The following CDK13 variants were observed in gnomAD, a reference collection of about 807,000 sequenced individuals.
The protein encoded by CDK13 is cyclin-dependent kinase 13.
In CDK13, 40 loss-of-function variants were observed where a neutral mutation model predicts 137.6. That is an observed-to-expected ratio of 0.29 (90% confidence interval 0.23 to 0.38). The LOEUF is 0.38. CDK13 is among the 10% of genes least tolerant of loss of function. The pLI, the probability that CDK13 is intolerant of heterozygous loss-of-function variation, is 1.00. For synonymous variants in CDK13, 869 were observed against 760.1 expected, an observed-to-expected ratio of 1.14 and a Z score of -2.36; for missense variants, 1,704 against 1,951.8, an observed-to-expected ratio of 0.87 and a Z score of 2.39.
intron 1 of CDK13, among the ~76,000 whole-genome samples, chr7:39,982,169 C>T (rs1287078246): frequency 3.4e-5 from 5 of 147,252 alleles, no homozygotes; most frequent in Non-Finnish European, 7.4e-5. Flanking sequence ...TCCCCCCTCC[C>T]CCTACCCCAC....
At chr7:40,048,822 G>A (rs1785810763) in intron 7 of CDK13, 1 of 151,380 alleles carries the variant, frequency 6.6e-6, no homozygotes, top group Non-Finnish European at 1.5e-5. Context: ...ATTCTGGAAA[G>A]TATTTTCCTT....
chr7:40,096,453 A>T lies in CDK13; in HGVS notation c.*1473A>T, dbSNP rs1787049705. On this transcript the variant is annotated 3_prime_UTR_variant, in exon 14 of 14. Transcript: ENST00000181839. ...CTCTCACACATACACACACAATTATACTAATTCTAGAAAGGAACCAAAGGT... is the reference window on the plus strand; with the variant it reads ...CTCTCACACATACACACACAATTATTCTAATTCTAGAAAGGAACCAAAGGT... The T allele has an allele frequency of 6.6e-6, 1 of 152,194 alleles. No homozygotes were observed. Among genetic ancestry groups the T allele is most frequent in the South Asian group, 2.1e-4 (1 of 4,832 alleles). The allele number at this position is 152,194 out of a possible 1,614,324, so 9.4% of individuals were successfully genotyped here. A position where few individuals can be genotyped will look rare whatever the true frequency, so the allele number is the denominator to read the frequency against.
chr7:39,987,646 C>T lies in CDK13; in HGVS notation c.1259C>T (p.Ser420Leu). The change falls in exon 2 of 14, where the codon TCA (serine) becomes TTA (leucine). Residue 420 changes from serine to leucine, a missense_variant. Transcript: ENST00000181839. ...AGAAGCCCGTATTCATCTAGGCATT[C>T]AAGATCTCGTAGCAGGCACAGATTG... ...RSRSPYSSRH[S>L]RSRSRHRLSR... 1 of 1,611,624 alleles carries T rather than the reference C, an allele frequency of 6.2e-7. No homozygotes were observed. The highest frequency in any genetic ancestry group is 8.5e-7 in the Non-Finnish European group (1 of 1,179,354).
chr7:39,954,271 C>A (rs1787334780), intron 1 of CDK13, among the ~76,000 whole-genome samples: 1 of 152,012 alleles, frequency 6.6e-6, no homozygotes, highest in Admixed American at 6.6e-5. Context: ...GAATTAATAG[C>A]TAAAATAGTT....
chr7:40,008,856 T>G (rs1784843104), intron 5 of CDK13, among the ~76,000 whole-genome samples: 2 of 152,206 alleles, frequency 1.3e-5, no homozygotes, highest in Admixed American at 6.5e-5. Flanking sequence ...TACAAAATAG[T>G]CTGCGTTCTA....
chr7:40,034,259 G>A (rs1261786924), intron 5 of CDK13, among the ~76,000 whole-genome samples: 1 of 152,226 alleles, frequency 6.6e-6, no homozygotes, highest in South Asian at 2.1e-4. Flanking sequence ...GTAAGTTGTG[G>A]TTCTCTGTAT....
chr7:40,023,258 A>G (rs993644173), intron 5 of CDK13, among the ~76,000 whole-genome samples: 1 of 151,924 alleles, frequency 6.6e-6, no homozygotes. Flanking sequence ...ATGCCCAGCT[A>G]ATTTTTGTGT....
Position 39,950,993 on chromosome 7 carries a change from C to G in CDK13, c.352C>G (p.Arg118Gly), listed in dbSNP as rs2116052200. ...CCGCGCCGGGCAGGAGGCGGAGAAG[C>G]GTCGGGTCTTCTCGCTGCCCCAGCC... is the stretch of plus-strand genomic sequence containing the variant. ...GPRAGQEAEK[R>G]RVFSLPQPQQ... Residue 118 changes from arginine to glycine, a missense_variant, in exon 1 of 14, where the codon CGT becomes GGT. Arg to Gly is a moderately radical substitution (Grantham distance 125, BLOSUM62 -2). Transcript: ENST00000181839. 1 of 1,309,794 alleles carries G rather than the reference C, an allele frequency of 7.6e-7. No homozygotes were observed. The highest frequency in any genetic ancestry group is 9.7e-7 in the Non-Finnish European group (1 of 1,033,518). 81.1% of individuals were successfully genotyped at this position (1,309,794 alleles called of 1,614,324 possible). A position where few individuals can be genotyped will look rare whatever the true frequency, so the allele number is the denominator to read the frequency against.
intron 4 of CDK13, among the ~76,000 whole-genome samples, chr7:40,000,427 C>T (rs1239971459): frequency 1.3e-5 from 2 of 152,072 alleles, no homozygotes; most frequent in South Asian, 4.1e-4. Flanking sequence ...CCTATAATCC[C>T]AGCTACTTGG....
rs192734877 is a variant in CDK13, at chr7:40,066,139, C to T, written c.2780+3039C>T. ...AGAGGATTACTTGAGCCCAGGAAGT[C>T]GAGACTGCAGTGAGCTAATGACACC... On this transcript the variant is annotated intron_variant, in intron 9 of 13. Transcript: ENST00000181839. Among the ~76,000 whole-genome samples, 268 of 152,278 alleles carry T rather than the reference C, an allele frequency of 1.8e-3. 1 individual carries two copies. The highest frequency in any genetic ancestry group is 3.5e-3 in the Non-Finnish European group (236 of 68,028).
At chr7:40,053,681 T>C (rs1785945380) in intron 7 of CDK13, among the ~76,000 whole-genome samples, 1 of 152,168 alleles carries the variant, frequency 6.6e-6, no homozygotes, top group South Asian at 2.1e-4. Flanking sequence ...CATCTTCTTT[T>C]ATGTGTTTAG....
chr7:40,090,762 T>C (rs868864412), intron 12 of CDK13, among the ~76,000 whole-genome samples: 4 of 152,234 alleles, frequency 2.6e-5, no homozygotes, highest in African/African-American at 9.6e-5. Context: ...TCCCAGTTAC[T>C]TGCGGGGCTG....
In CDK13 at chr7:39,976,323, T is replaced by TCTCACACACACACACACACA; in HGVS notation, c.1212-11275_1212-11274insTCACACACACACACACACAC. Among the ~76,000 whole-genome samples the TCTCACACACACACACACACA allele has an allele frequency of 3.4e-3, 136 of 39,562 alleles. 3 individuals carry two copies. Among genetic ancestry groups the TCTCACACACACACACACACA allele is most frequent in the Middle Eastern group, 0.017 (1 of 60 alleles). 26.0% of individuals were successfully genotyped at this position (39,562 alleles called of 152,430 possible). Reference sequence around the variant, plus strand: ...CTCTCTCTCTCTCTCTCTCTCTCTCTCACACACACACACACACACACACAC... The same window carrying TCTCACACACACACACACACA: ...CTCTCTCTCTCTCTCTCTCTCTCTCTCTCACACACACACACACACACACACACACACACACACACACACAC... On this transcript the variant is annotated intron_variant, in intron 1 of 13. Coordinates refer to ENST00000181839, the MANE Select transcript of CDK13 (RefSeq NM_003718.5).
intron 3 of CDK13, chr7:39,998,232 C>T (rs1784604562): frequency 7.4e-6 from 1 of 135,842 alleles, no homozygotes; most frequent in African/African-American, 2.6e-5. Flanking sequence ...ACTTCTTAAC[C>T]AAGGGACAGT....
chr7:40,072,582 A>C (rs1443728791), intron 9 of CDK13: 1 of 152,198 alleles, frequency 6.6e-6, no homozygotes, highest in Non-Finnish European at 1.5e-5. Context: ...ATTAGTGCAA[A>C]TCAACACATG....
chr7:40,016,055 C>T (rs1167035756), intron 5 of CDK13, among the ~76,000 whole-genome samples: 1 of 152,198 alleles, frequency 6.6e-6, no homozygotes, highest in Non-Finnish European at 1.5e-5. Flanking sequence ...AGATAGAATT[C>T]TGCAGTTAAA....
In CDK13 at chr7:39,951,318, G is replaced by T; in HGVS notation, c.677G>T (p.Ser226Ile). The T allele has an allele frequency of 7.1e-7, 1 of 1,407,672 alleles. No homozygotes were observed. Among genetic ancestry groups the T allele is most frequent in the Non-Finnish European group, 9.2e-7 (1 of 1,090,956 alleles). 87.2% of individuals were successfully genotyped at this position (1,407,672 alleles called of 1,614,324 possible). ...CGGCGGGATGGGCAGCGCGGTGGCA[G>T]CGAGGCCTCCAAGTCCCGCAGCCGC... ...HRRRDGQRGG[S>I]EASKSRSRHS... The change falls in exon 1 of 14, where the codon AGC becomes ATC. Residue 226 changes from serine to isoleucine, a missense_variant. This residue lies in a region of CDK13 where 1,051 missense variants were observed against 931.0 expected (regional missense o/e 1.13). Transcript: ENST00000181839.
chr7:40,018,043 T>G (rs889503068), intron 5 of CDK13, among the ~76,000 whole-genome samples: 1 of 152,044 alleles, frequency 6.6e-6, no homozygotes, highest in African/African-American at 2.4e-5. Context: ...TATTTTAGTT[T>G]CTGGTGGATA....
At chr7:39,983,446 A>G (rs1026147952) in intron 1 of CDK13, among the ~76,000 whole-genome samples, 2 of 152,296 alleles carry the variant, frequency 1.3e-5, no homozygotes, top group Middle Eastern at 3.4e-3. Flanking sequence ...ATAGAACAAA[A>G]GTTTTCTGAG....
Sources: gnomAD v4.1 joint callset for allele counts (sites outside exome capture counted in the v4.1 genomes callset) on GRCh38, gnomAD v4.1.1 for gene constraint, gnomAD v4.1.1 regional missense constraint, MANE v1.5 for transcripts, NCBI Gene and HGNC (gene_info 2026-07-23, HGNC 2026-07-21) for gene names.